CORO2B: variants seen among roughly 807,000 people sequenced by gnomAD.
CORO2B encodes the protein coronin 2B, also known as coronin-2B.
A neutral mutation model predicts 58.8 loss-of-function variants in CORO2B; 26 were observed. That is an observed-to-expected ratio of 0.44 (90% confidence interval 0.32 to 0.61). The LOEUF (loss-of-function observed/expected upper bound fraction) is 0.61, where lower values mean the gene tolerates loss of function less well. Ranked by LOEUF, CORO2B falls within the 20% of genes least tolerant of loss-of-function variation. The pLI is 0.04. For missense variants in CORO2B, 460 were observed against 645.1 expected, an observed-to-expected ratio of 0.71 and a Z score of 3.11; for synonymous variants, 242 against 253.8, an observed-to-expected ratio of 0.95 and a Z score of 0.44.
At chr15:68,641,264 C>T (rs557501083) in intron 1 of CORO2B, among the ~76,000 whole-genome samples, 171 of 152,290 alleles carry the variant, frequency 1.1e-3, no homozygotes, top group Non-Finnish European at 2.0e-3. Context: ...CGAGCCTGAG[C>T]GCTGTGGTCC....
chr15:68,610,246 C>T (rs1337561769), intron 1 of CORO2B, among the ~76,000 whole-genome samples: 1 of 152,124 alleles, frequency 6.6e-6, no homozygotes, highest in Non-Finnish European at 1.5e-5. Context: ...GCTAGGACTT[C>T]ATAGGACGAG....
At chr15:68,658,979 A>G (rs1901923840) in intron 2 of CORO2B, among the ~76,000 whole-genome samples, 1 of 152,238 alleles carries the variant, frequency 6.6e-6, no homozygotes, top group Non-Finnish European at 1.5e-5. Flanking sequence ...GCCCTCGCCC[A>G]CCAATATCCA....
chr15:68,559,708 T>TC, the CORO2B span: 1 of 879,134 alleles, frequency 1.1e-6, no homozygotes, highest in Non-Finnish European at 1.4e-6. This position sits in a 1 kb window ranked among gnomAD's most constrained non-coding sequence, Gnocchi z 4.3. Flanking sequence ...TCTGGGGTTC[T>TC]CCCAGGGGGA....
intron 1 of CORO2B, among the ~76,000 whole-genome samples, chr15:68,597,208 TGGCTGCTGGCACATCTTTTCCA>T (rs1395055256): frequency 6.6e-6 from 1 of 152,212 alleles, no homozygotes; most frequent in Non-Finnish European, 1.5e-5. Context: ...TTTGCTCGCC[TGGCTGCTGGCACATCTTTTCCA>T]GGCTGGCCTG....
chr15:68,578,969 C>G, upstream of CORO2B: 1 of 950,144 alleles, frequency 1.1e-6, no homozygotes, highest in Non-Finnish European at 1.3e-6. The surrounding 1 kb of genome is among the most constrained non-coding windows in gnomAD (Gnocchi z 4.2). Context: ...CCCCCCAGCC[C>G]GGGCCCTCTC....
chr15:68,612,834 T>C (rs748766503), intron 1 of CORO2B, among the ~76,000 whole-genome samples: 4 of 152,166 alleles, frequency 2.6e-5, no homozygotes, highest in Non-Finnish European at 4.4e-5. Flanking sequence ...TTCCCAGCAG[T>C]TGGGGAGAGA....
intron 11 of CORO2B, among the ~76,000 whole-genome samples, chr15:68,720,909 CAG>C (rs1893144692): frequency 6.6e-6 from 1 of 152,174 alleles, no homozygotes; most frequent in South Asian, 2.1e-4. Context: ...TGTTTTGAGA[CAG>C]AGTCTCACTC....
chr15:68,631,700 G>A (rs1900835218), intron 1 of CORO2B, among the ~76,000 whole-genome samples: 1 of 152,210 alleles, frequency 6.6e-6, no homozygotes, highest in Non-Finnish European at 1.5e-5. Context: ...GTGCCAGGGG[G>A]CAGGGTGGCA....
chr15:68,619,969 T>A (rs186580639), intron 1 of CORO2B, among the ~76,000 whole-genome samples: 12 of 152,276 alleles, frequency 7.9e-5, no homozygotes, highest in Admixed American at 3.3e-4. Flanking sequence ...TGGAGTACAG[T>A]GGCACAGTCT....
chr15:68,610,823 C>T (rs1478735774), intron 1 of CORO2B, among the ~76,000 whole-genome samples: 1 of 152,196 alleles, frequency 6.6e-6, no homozygotes, highest in Non-Finnish European at 1.5e-5. Context: ...AACAGAGCAT[C>T]AGCGTGGAAA....
chr15:68,540,928 C>T, the CORO2B span, among the ~76,000 whole-genome samples: 2 of 152,142 alleles, frequency 1.3e-5, no homozygotes, highest in Admixed American at 6.5e-5. Flanking sequence ...TGAAAATAGT[C>T]GTGACTTTTC....
At chr15:68,575,501 A>AT (rs781033847), upstream of CORO2B, among the ~76,000 whole-genome samples, 1 of 142,330 alleles carries the variant, frequency 7.0e-6, no homozygotes, top group South Asian at 2.2e-4. Context: ...CGTCTGGCTA[A>AT]TTTTGGTATG....
Position 68,599,921 on chromosome 15 carries a change from T to C in CORO2B, c.15+20644T>C, listed in dbSNP as rs551936047. 2.0e-5 allele frequency among the ~76,000 whole-genome samples: 3 copies of C among 152,362 alleles called. 1 individual carries two copies. In the East Asian group the frequency reaches 5.8e-4, roughly 29 times the overall value. ...GCAACGAGGATGCATCATAATGAAC[T>C]GCGTCCTTGGAGACTGGCTAGGAGG... On this transcript the variant is annotated intron_variant, in intron 1 of 11. Transcript: ENST00000261861.
At chr15:68,629,662 T>C (rs927646399) in intron 1 of CORO2B, among the ~76,000 whole-genome samples, 5 of 152,134 alleles carry the variant, frequency 3.3e-5, no homozygotes, top group Non-Finnish European at 5.9e-5. Context: ...TATGAAATGG[T>C]CAGGGGACCA....
chr15:68,561,703 G>A, the CORO2B span, among the ~76,000 whole-genome samples: 12 of 152,332 alleles, frequency 7.9e-5, no homozygotes, highest in South Asian at 2.3e-3. Flanking sequence ...ACTGTGCTCT[G>A]TCTGTTATCG....
At chr15:68,565,039 G>C in the CORO2B span, among the ~76,000 whole-genome samples, 5 of 152,024 alleles carry the variant, frequency 3.3e-5, no homozygotes, top group East Asian at 9.6e-4. Flanking sequence ...CATATTTGTT[G>C]CTTCATGTGA....
chr15:68,560,133 GC>G, the CORO2B span, among the ~76,000 whole-genome samples: 1 of 152,130 alleles, frequency 6.6e-6, no homozygotes, highest in African/African-American at 2.4e-5. Flanking sequence ...TTGGCTGGGG[GC>G]TGCCTGGGAA....
chr15:68,598,579 C>T (rs1003834021), intron 1 of CORO2B, among the ~76,000 whole-genome samples: 2 of 152,122 alleles, frequency 1.3e-5, no homozygotes, highest in African/African-American at 4.8e-5. Context: ...TGAGCACCAG[C>T]ATGCCTGTCT....
At chr15:68,535,310 G>A in the CORO2B span, among the ~76,000 whole-genome samples, 1 of 152,172 alleles carries the variant, frequency 6.6e-6, no homozygotes, top group African/African-American at 2.4e-5. Flanking sequence ...AACAACCAAG[G>A]TTATAATTTG....
Sources: gnomAD v4.1 joint callset for allele counts (sites outside exome capture counted in the v4.1 genomes callset) on GRCh38, gnomAD v4.1.1 for gene constraint, Gnocchi (gnomAD v3.1) non-coding constraint, MANE v1.5 for transcripts, NCBI Gene and HGNC (gene_info 2026-07-23, HGNC 2026-07-21) for gene names.